Variants in CNKSR2 observed in about 807,000 individuals in gnomAD.
The protein encoded by CNKSR2 is CNK homolog protein 2.
A neutral mutation model predicts 84.4 loss-of-function variants in CNKSR2; 14 were observed. The ratio of observed to expected loss-of-function variants is 0.17; its 90% CI spans 0.11 to 0.26. CNKSR2 has a LOEUF of 0.26. Ranked by LOEUF, CNKSR2 falls within the 10% of genes least tolerant of loss-of-function variation. The pLI, the probability that CNKSR2 is intolerant of heterozygous loss-of-function variation, is 1.00. For missense variants in CNKSR2, 485 were observed against 771.2 expected (o/e 0.63, Z 4.40); for synonymous variants, 275 against 277.9 (o/e 0.99, Z 0.10).
At chrX:21,397,688 G>T (rs1250529696) in intron 1 of CNKSR2, among the ~76,000 whole-genome samples, 2 of 111,072 alleles carry the variant, frequency 1.8e-5, no homozygotes, top group Non-Finnish European at 3.8e-5. Context: ...CTGTAGTACT[G>T]TAGGGTAACT....
chrX:21,407,591 G>A (rs1441268381), intron 1 of CNKSR2, among the ~76,000 whole-genome samples: 2 of 111,139 alleles, frequency 1.8e-5, no homozygotes, highest in African/African-American at 6.5e-5. Context: ...ATTTGGGATT[G>A]TCATGAAAAG....
At position 21,575,321 on chromosome X, in the gene CNKSR2, G is replaced by T. The variant is rs779158935; in HGVS notation, c.1608+11869G>T. Among the ~76,000 whole-genome samples, 215 of 110,178 alleles carry T rather than the reference G, an allele frequency of 2.0e-3. 1 individual carries two copies. Among genetic ancestry groups the T allele is most frequent in the Non-Finnish European group, 3.7e-3 (197 of 52,714 alleles). On this transcript the variant is annotated intron_variant, in intron 13 of 21. Transcript: ENST00000379510. ...TTGCTTTCATATTTAGGAAGGTTTG[G>T]TTTTTTTATTAAAAAAAAAATCAAC...
chrX:21,623,177 G>T (rs1322673901), intron 20 of CNKSR2, among the ~76,000 whole-genome samples: 2 of 111,298 alleles, frequency 1.8e-5, no homozygotes, highest in Non-Finnish European at 3.8e-5. Context: ...TGGCTCCTAA[G>T]AATTATCATT....
At position 21,406,287 on chromosome X, in the gene CNKSR2, G is replaced by T. The variant is rs562240008; in HGVS notation, c.65-20210G>T. On this transcript the variant is annotated intron_variant, in intron 1 of 21. Transcript: ENST00000379510. The stretch of plus-strand genomic sequence containing the variant: ...TTCATCCTGAAACCATCCCCCCATT[G>T]CCCACAGAAAAAGTATCTTCCACAA... 3.7e-4 allele frequency among the ~76,000 whole-genome samples: 41 copies of T among 111,160 alleles called. 2 individuals carry two copies. The highest frequency in any genetic ancestry group is 5.7e-4 in the East Asian group (2 of 3,512).
At chrX:21,509,918 A>G (rs1391997565) in intron 8 of CNKSR2, among the ~76,000 whole-genome samples, 2 of 111,798 alleles carry the variant, frequency 1.8e-5, no homozygotes, top group Non-Finnish European at 3.8e-5. Flanking sequence ...AAAATGTTTA[A>G]TTTATTAGAT....
rs1228353849 is a variant in CNKSR2, at chrX:21,531,850, C to G, written c.1092-6C>G. 1 of 1,180,425 alleles carries G rather than the reference C, an allele frequency of 8.5e-7. No homozygotes were observed. Among genetic ancestry groups the G allele is most frequent in the Non-Finnish European group, 1.1e-6 (1 of 870,917 alleles). ...CATCTTCTCCTTTACTCTAACCTTT[C>G]TTTAGGGATGAAAAAGGAAACCTTC... On this transcript the variant is annotated splice_region_variant and splice_polypyrimidine_tract_variant and intron_variant, in intron 10 of 21. Transcript: ENST00000379510.
rs952563311 is a variant in CNKSR2, at chrX:21,452,094, T to A, written c.519+11313T>A. Among the ~76,000 whole-genome samples, 14 of 111,112 alleles carry A rather than the reference T, an allele frequency of 1.3e-4. No individual in the cohort carries two copies. In the Admixed American group the frequency reaches 1.3e-3, roughly 11 times the overall value. On this transcript the variant is annotated intron_variant, in intron 4 of 21. Transcript: ENST00000379510. ...TGAATGAATGAATGAATGCATGAAT[T>A]TATTTATTTTCCCCAAGATGGAGTC...
rs149641197 is a variant in CNKSR2 at position 21,410,988 on chromosome X, A to G, written c.65-15509A>G. On this transcript the variant is annotated intron_variant, in intron 1 of 21. Coordinates refer to ENST00000379510, the MANE Select transcript of CNKSR2 (RefSeq NM_014927.5). ...CAGGGGATATATTTAGATTAAGTTT[A>G]ATAGTAGATGGTGCCCTTTGTTTCT... 1.4e-3 allele frequency among the ~76,000 whole-genome samples: 152 copies of G among 110,901 alleles called. 1 individual carries two copies. Among genetic ancestry groups the G allele is most frequent in the Non-Finnish European group, 5.5e-4 (29 of 52,836 alleles).
intron 1 of CNKSR2, among the ~76,000 whole-genome samples, chrX:21,392,175 C>G (rs967059566): frequency 1.8e-5 from 2 of 111,909 alleles, no homozygotes; most frequent in Non-Finnish European, 3.8e-5. Flanking sequence ...CAAACTTTCC[C>G]TCATCTTCCT....
At chrX:21,431,392 TGTA>T (rs1189956129) in intron 2 of CNKSR2, among the ~76,000 whole-genome samples, 18 of 111,332 alleles carry the variant, frequency 1.6e-4, no homozygotes, top group Middle Eastern at 4.7e-3. Context: ...CCTGGTGACT[TGTA>T]GTTCCATTCT....
chrX:21,550,153 T>G (rs2147162411), intron 11 of CNKSR2, among the ~76,000 whole-genome samples: 1 of 111,737 alleles, frequency 8.9e-6, no homozygotes, highest in Admixed American at 9.4e-5. Flanking sequence ...GGGAGAAAAT[T>G]TTTGCAATCT....
chrX:21,509,934 A>T (rs957643049), intron 8 of CNKSR2, among the ~76,000 whole-genome samples: 1 of 111,903 alleles, frequency 8.9e-6, no homozygotes, highest in Non-Finnish European at 1.9e-5. Context: ...TAGATACTTC[A>T]GTATCTTTTT....
In CNKSR2 at chrX:21,374,623, CAG is replaced by C. The variant is rs1569131337; in HGVS notation, c.-274_-273del. On this transcript the variant is annotated 5_prime_UTR_variant, in exon 1 of 22. Coordinates refer to ENST00000379510, the MANE Select transcript of CNKSR2 (RefSeq NM_014927.5). ...GCAGCAGCAGCAGCAGCAGCAGCAG[CAG>C]CAGCAGCCGCCGCCGCCGCCGCCTT... 123 of 511,636 alleles carry C rather than the reference CAG, an allele frequency of 2.4e-4. 1 individual carries two copies. Among genetic ancestry groups the C allele is most frequent in the Non-Finnish European group, 2.7e-4 (78 of 292,286 alleles). 42.2% of individuals were successfully genotyped at this position (511,636 alleles called of 1,213,427 possible).
intron 11 of CNKSR2, among the ~76,000 whole-genome samples, chrX:21,560,203 G>A (rs2092175451): frequency 9.0e-6 from 1 of 111,109 alleles, no homozygotes; most frequent in African/African-American, 3.3e-5. Context: ...GATATTTAAA[G>A]GGATTGCAGT....
chrX:21,427,411 A>G (rs2147056733), intron 2 of CNKSR2: 1 of 112,023 alleles, frequency 8.9e-6, no homozygotes, highest in East Asian at 2.8e-4. Flanking sequence ...CAGTTTATGC[A>G]ACAGATGCTT....
chrX:21,559,239 G>T (rs1218829254), intron 11 of CNKSR2, among the ~76,000 whole-genome samples: 1 of 110,207 alleles, frequency 9.1e-6, no homozygotes, highest in African/African-American at 3.3e-5. Flanking sequence ...TATTGCAAAG[G>T]ACAAAGAATA....
chrX:21,514,523 T>C (rs1304441825), intron 8 of CNKSR2, among the ~76,000 whole-genome samples: 1 of 111,703 alleles, frequency 9.0e-6, no homozygotes, highest in Non-Finnish European at 1.9e-5. Flanking sequence ...AAAAAGAGCA[T>C]GTAGAAAGTG....
rs907345576 is a variant in CNKSR2, at chrX:21,618,446, T to A, written c.2692+8829T>A. ...GGAAAATTTGATCTTAAAAAATTAATAGTTAAACCTCATACTTGAAAACTT... is the reference window on the plus strand; with the variant it reads ...GGAAAATTTGATCTTAAAAAATTAAAAGTTAAACCTCATACTTGAAAACTT... On this transcript the variant is annotated intron_variant, in intron 20 of 21. Transcript: ENST00000379510. Among the ~76,000 whole-genome samples the A allele has an allele frequency of 7.1e-5, 8 of 112,382 alleles. No individual in the cohort carries two copies. In the South Asian group the frequency reaches 1.5e-3, roughly 21 times the overall value.
At chrX:21,514,011 C>T (rs1407509947) in intron 8 of CNKSR2, among the ~76,000 whole-genome samples, 2 of 111,946 alleles carry the variant, frequency 1.8e-5, no homozygotes, top group East Asian at 2.8e-4. Flanking sequence ...GTATGTATTG[C>T]AAGTCCTTAC....
Sources: allele counts gnomAD v4.1 joint callset (sites outside exome capture counted in the v4.1 genomes callset), GRCh38; gene constraint gnomAD v4.1.1; transcripts MANE v1.5; gene names NCBI Gene and HGNC (gene_info 2026-07-23, HGNC 2026-07-21).